Variants in CYLD observed in about 807,000 individuals in gnomAD.
The protein encoded by CYLD is CYLD lysine 63 deubiquitinase, also known as ubiquitin carboxyl-terminal hydrolase CYLD.
Under a neutral mutation model 104.5 loss-of-function variants are expected in CYLD, and 26 were observed. The observed-to-expected ratio is 0.25, with a 90% CI of 0.18 to 0.35. The LOEUF (loss-of-function observed/expected upper bound fraction) is 0.35, where lower values mean the gene tolerates loss of function less well. Among genes scored for constraint, CYLD ranks in the 10% least tolerant of loss-of-function variants. The pLI is 1.00. For synonymous variants in CYLD, 385 were observed against 399.9 expected (o/e 0.96, Z 0.45); for missense variants, 703 against 1,136.1 (o/e 0.62, Z 5.48).
intron 14 of CYLD, among the ~76,000 whole-genome samples, chr16:50,788,286 C>T (rs1044821499): frequency 6.6e-6 from 1 of 152,030 alleles, no homozygotes; most frequent in Non-Finnish European, 1.5e-5. Flanking sequence ...ACTTTGTCTC[C>T]CCTCCCCACC....
At chr16:50,751,476 G>C in intron 3 of CYLD, 128 bp from the exon 4 acceptor site, 1 of 680,602 alleles carries the variant, frequency 1.5e-6, no homozygotes, top group Admixed American at 2.7e-5. Flanking sequence ...GCTAATAATT[G>C]TATTTCTTAT....
Position 50,776,251 on chromosome 16 carries a change from C to G in CYLD, c.995C>G (p.Ser332Cys). ...MSRGVGDKGS[S>C]SHNKPKATGS... is the part of the protein sequence containing the mutation. ...AGAGGTGTTGGGGACAAAGGTTCAT[C>G]CAGTCATAATAAACCAAAGGCTACA... The change falls in exon 7 of 19, where the codon TCC becomes TGC. Residue 332 changes from serine to cysteine, a missense_variant. This residue lies in a region of CYLD where 183 missense variants were observed against 212.1 expected (regional missense o/e 0.86). Transcript: ENST00000427738. The G allele has an allele frequency of 6.2e-7, 1 of 1,613,286 alleles. No homozygotes were observed. Among genetic ancestry groups the G allele is most frequent in the Non-Finnish European group, 8.5e-7 (1 of 1,179,452 alleles).
At chr16:50,785,433 A>G (rs1245405044) in intron 12 of CYLD, 2 of 152,162 alleles carry the variant, frequency 1.3e-5, no homozygotes, top group African/African-American at 4.8e-5. Flanking sequence ...CTTTCTTTAA[A>G]TTCTGTAATG....
At chr16:50,783,519 A>G (rs1970483691) in intron 11 of CYLD, among the ~76,000 whole-genome samples, 1 of 152,058 alleles carries the variant, frequency 6.6e-6, no homozygotes, top group East Asian at 1.9e-4. Context: ...TTTTTCTTTG[A>G]TAACAGCAAG....
Position 50,796,738 on chromosome 16 carries a change from G to A in CYLD, c.*230G>A. On this transcript the variant is annotated 3_prime_UTR_variant, in exon 19 of 19. Transcript: ENST00000427738. Reference sequence around the variant, plus strand: ...TATGTTTGTGTTGGTTTTTTAAGAAGTCTAAATGAAGTTATTAATACCTGA... The same window carrying A: ...TATGTTTGTGTTGGTTTTTTAAGAAATCTAAATGAAGTTATTAATACCTGA... 1 of 541,448 alleles carries A rather than the reference G, an allele frequency of 1.8e-6. No homozygotes were observed. Among genetic ancestry groups the A allele is most frequent in the South Asian group, 2.0e-5 (1 of 48,932 alleles). The allele number at this position is 541,448 out of a possible 1,614,324, so 33.5% of individuals were successfully genotyped here.
At chr16:50,793,719 A>G (rs1597091749) in intron 17 of CYLD, 55 bp downstream of exon 17, 3 of 1,120,602 alleles carry the variant, frequency 2.7e-6, no homozygotes, top group East Asian at 4.7e-5. Context: ...ACTTATTTAT[A>G]GTTGAAAACA....
chr16:50,761,775 T>TATCA (rs1348271485), intron 5 of CYLD, among the ~76,000 whole-genome samples: 1 of 152,146 alleles, frequency 6.6e-6, no homozygotes, highest in African/African-American at 2.4e-5. Flanking sequence ...TCTATCTATC[T>TATCA]ATATCTTTGA....
Position 50,793,580 on chromosome 16 carries a change from A to C in CYLD, c.2385A>C (p.Ala795=), listed in dbSNP as rs765020432. ...AGTGCCGGATATGTGGAGGGCTTGC[A>C]ATGTATGAGTGTAGAGAATGCTACG... The part of the protein sequence containing the change: ...PRQCRICGGL[A]MYECRECYDD... The change falls in exon 17 of 19, where the codon GCA becomes GCC. Residue 795 remains alanine (A), a synonymous_variant. Coordinates refer to ENST00000427738, the MANE Select transcript of CYLD (RefSeq NM_001378743.1). 10 of 1,614,010 alleles carry C rather than the reference A, an allele frequency of 6.2e-6. No homozygotes were observed. In the East Asian group the frequency reaches 1.3e-4, roughly 22 times the overall value.
At chr16:50,788,550 T>C (rs1437311051) in intron 14 of CYLD, among the ~76,000 whole-genome samples, 1 of 152,076 alleles carries the variant, frequency 6.6e-6, no homozygotes, top group East Asian at 1.9e-4. Context: ...AACTGATGGG[T>C]GAGGAGAATA....
Position 50,787,774 on chromosome 16 carries a change from A to T in CYLD, c.2042-12A>T. 6.7e-7 allele frequency: 1 copy of T among 1,492,668 alleles called. No individual in the cohort carries two copies. Among genetic ancestry groups the T allele is most frequent in the Non-Finnish European group, 9.3e-7 (1 of 1,079,850 alleles). The allele number at this position is 1,492,668 out of a possible 1,614,324, so 92.5% of individuals were successfully genotyped here. On this transcript the variant is annotated splice_polypyrimidine_tract_variant and intron_variant, in intron 13 of 18. Transcript: ENST00000427738. ...TGCCTGTGACTTATTTGATTTTTAAATTTTCTCCTAGATCCTGAGGAATTC... is the reference window on the plus strand; with the variant it reads ...TGCCTGTGACTTATTTGATTTTTAATTTTTCTCCTAGATCCTGAGGAATTC...
At chr16:50,774,069 G>A (rs186037149) in intron 5 of CYLD, among the ~76,000 whole-genome samples, 14 of 152,340 alleles carry the variant, frequency 9.2e-5, no homozygotes, top group East Asian at 7.7e-4. Flanking sequence ...AAAGGGAAGA[G>A]CACTTGCTTC....
Position 50,795,838 on chromosome 16 carries a change from A to G in CYLD, c.2687-486A>G, listed in dbSNP as rs552440327. ...AATCTCTGAAATCACACCCCAGAGC[A>G]CCTTCATCAGGGCCTGGTGATGTGT... On this transcript the variant is annotated intron_variant, in intron 18 of 18. Coordinates refer to ENST00000427738, the MANE Select transcript of CYLD (RefSeq NM_001378743.1). 6.2e-5 allele frequency: 34 copies of G among 544,648 alleles called. No individual in the cohort carries two copies. The South Asian group carries it at 7.6e-4, about 12-fold the overall frequency. 33.7% of individuals were successfully genotyped at this position (544,648 alleles called of 1,614,324 possible).
intron 11 of CYLD, among the ~76,000 whole-genome samples, chr16:50,783,065 C>T (rs1970419273): frequency 1.3e-5 from 2 of 152,038 alleles, no homozygotes; most frequent in South Asian, 2.1e-4. Context: ...GCTGGGATTA[C>T]AGGTGTGAAC....
chr16:50,772,213 G>A (rs1969227099), intron 5 of CYLD, among the ~76,000 whole-genome samples: 2 of 152,104 alleles, frequency 1.3e-5, no homozygotes, highest in Admixed American at 1.3e-4. Flanking sequence ...GCCTATTGAT[G>A]TTTCCAGGGT....
Position 50,791,579 on chromosome 16 carries a change from A to C in CYLD, c.2130A>C (p.Gln710His). The C allele has an allele frequency of 6.2e-7, 1 of 1,613,902 alleles. No homozygotes were observed. The highest frequency in any genetic ancestry group is 8.5e-7 in the Non-Finnish European group (1 of 1,179,858). ...LKIRSAGQKV[Q>H]DCYFYQIFME... ...TTAGATCAGCAGGTCAAAAGGTACA[A>C]GATTGTTACTTCTATCAAATTTTTA... The change falls in exon 15 of 19, where the codon CAA becomes CAC. Residue 710 changes from glutamine to histidine, a missense_variant. This residue lies in a region of CYLD where 125 missense variants were observed against 325.4 expected (regional missense o/e 0.38). Coordinates refer to ENST00000427738, the MANE Select transcript of CYLD (RefSeq NM_001378743.1).
At chr16:50,755,033 GTATATATACATATATATGTATATATACA>G (rs1966912946) in intron 5 of CYLD, among the ~76,000 whole-genome samples, 1 of 15,824 alleles carries the variant, frequency 6.3e-5, no homozygotes, top group Non-Finnish European at 1.2e-4. Flanking sequence ...ACATATATAT[GTATATATACATATATATGTATATATACA>G]TATAGATATG....
intron 5 of CYLD, among the ~76,000 whole-genome samples, chr16:50,757,802 C>T (rs11861521): frequency 6.6e-6 from 1 of 152,220 alleles, no homozygotes; most frequent in African/African-American, 2.4e-5. Context: ...TCCCAAAGTG[C>T]TGGGACTACA....
chr16:50,760,820 G>A (rs1034688384), intron 5 of CYLD, among the ~76,000 whole-genome samples: 2 of 152,126 alleles, frequency 1.3e-5, no homozygotes, highest in Non-Finnish European at 2.9e-5. Context: ...CAGAAGTGGA[G>A]TTGCTTGATG....
At chr16:50,786,575 C>G in intron 12 of CYLD, 1 of 336,136 alleles carries the variant, frequency 3.0e-6, no homozygotes, top group Non-Finnish European at 5.6e-6. Flanking sequence ...GCCTGGCCAA[C>G]ATGGTGAAAC....
Sources: gnomAD v4.1 joint callset for allele counts (sites outside exome capture counted in the v4.1 genomes callset) on GRCh38, gnomAD v4.1.1 for gene constraint, gnomAD v4.1.1 regional missense constraint, MANE v1.5 for transcripts, NCBI Gene and HGNC (gene_info 2026-07-23, HGNC 2026-07-21) for gene names.